Variants in PLCE1 observed in about 807,000 individuals in gnomAD.
The protein encoded by PLCE1 is phospholipase C epsilon 1.
Under a neutral mutation model 242.8 loss-of-function variants are expected in PLCE1, and 119 were observed. The ratio of observed to expected loss-of-function variants is 0.49; its 90% CI spans 0.42 to 0.57. The LOEUF (loss-of-function observed/expected upper bound fraction) is 0.57. Ranked by LOEUF, PLCE1 falls within the 20% of genes least tolerant of loss-of-function variation. The pLI is 0.00. For synonymous variants in PLCE1, 945 were observed against 1,017.4 expected, an observed-to-expected ratio of 0.93 and a Z score of 1.35; for missense variants, 2,441 against 2,788.8, an observed-to-expected ratio of 0.88 and a Z score of 2.81.
In PLCE1 at chr10:94,088,329, C is replaced by T. The variant is rs183323065; in HGVS notation, c.1207-43845C>T. ...AATACATCCAAACCAAATATTCTGCCTCTGGCATCTCCACTAGTCTCAAGC... is the reference window on the plus strand; with the variant it reads ...AATACATCCAAACCAAATATTCTGCTTCTGGCATCTCCACTAGTCTCAAGC... On this transcript the variant is annotated intron_variant, in intron 2 of 32. Transcript: ENST00000371380. 2.6e-5 allele frequency: 4 copies of T among 152,324 alleles called. No homozygotes were observed. The East Asian group carries it at 7.7e-4, about 29-fold the overall frequency. The allele number at this position is 152,324 out of a possible 1,614,324, so 9.4% of individuals were successfully genotyped here.
intron 2 of PLCE1, among the ~76,000 whole-genome samples, chr10:94,051,430 A>G (rs2043764107): frequency 6.6e-6 from 1 of 152,102 alleles, no homozygotes; most frequent in Non-Finnish European, 1.5e-5. Context: ...ATGATTAAAC[A>G]TCTGCTTCAT....
At chr10:94,324,741 T>C (rs527838914) in intron 31 of PLCE1, 151 bp from the exon 32 acceptor site, 6 of 952,574 alleles carry the variant, frequency 6.3e-6, no homozygotes, top group Non-Finnish European at 9.9e-6. Context: ...GTGGCCGAGC[T>C]TGCGGTTAAG....
rs909469640 is a variant in PLCE1 at position 94,047,331 on chromosome 10, G to A, written c.1206+15079G>A. ...TTAGTTCCTGCCAGGGGCCAGAATT[G>A]CTTGTCTCCCTACCAGTGAGAAGGC... is the stretch of plus-strand genomic sequence containing the variant. On this transcript the variant is annotated intron_variant, in intron 2 of 32. Transcript: ENST00000371380. Among the ~76,000 whole-genome samples, 9 of 152,288 alleles carry A rather than the reference G, an allele frequency of 5.9e-5. No homozygotes were observed. The East Asian group carries it at 1.2e-3, about 20-fold the overall frequency.
At chr10:94,252,562 C>T in intron 9 of PLCE1, 64 bp downstream of exon 9, 1 of 1,336,538 alleles carries the variant, frequency 7.5e-7, no homozygotes, top group Non-Finnish European at 1.1e-6. Context: ...TGGTGAACAT[C>T]ACCATAAAAC....
intron 2 of PLCE1, among the ~76,000 whole-genome samples, chr10:94,053,159 C>T (rs936296492): frequency 4.6e-5 from 7 of 152,194 alleles, no homozygotes; most frequent in East Asian, 1.9e-4. Flanking sequence ...CCGGCTCCAC[C>T]GTTAACTAGC....
intron 4 of PLCE1, among the ~76,000 whole-genome samples, chr10:94,171,972 A>C (rs2047996505): frequency 6.6e-6 from 1 of 152,162 alleles, no homozygotes; most frequent in Non-Finnish European, 1.5e-5. Context: ...AACGTGGGGC[A>C]ATTCATTGAG....
chr10:94,207,418 G>A (rs1233220662), intron 4 of PLCE1, among the ~76,000 whole-genome samples: 4 of 152,170 alleles, frequency 2.6e-5, no homozygotes, highest in Admixed American at 2.0e-4. Flanking sequence ...AAAAAGGCTG[G>A]AAAGAACTTT....
At position 94,322,301 on chromosome 10, in the gene PLCE1, CTA is replaced by C. The variant is rs540368502; in HGVS notation, c.6501+244_6501+245del. 6.3e-4 allele frequency among the ~76,000 whole-genome samples: 96 copies of C among 151,836 alleles called. 1 individual carries two copies. Among genetic ancestry groups the C allele is most frequent in the Non-Finnish European group, 7.2e-4 (49 of 67,938 alleles). ...CACAGGAGTTGGAGGCTGCAGTGAG[CTA>C]TGACTGGCCACTGCACTGCAGCCTG... On this transcript the variant is annotated intron_variant, in intron 30 of 32. Coordinates refer to ENST00000371380, the MANE Select transcript of PLCE1 (RefSeq NM_016341.4).
At chr10:94,148,792 C>T (rs1376266726) in intron 3 of PLCE1, among the ~76,000 whole-genome samples, 5 of 152,194 alleles carry the variant, frequency 3.3e-5, no homozygotes, top group South Asian at 2.1e-4. Context: ...AAAGCGTAGA[C>T]GTCATACCTC....
chr10:94,062,054 A>G (rs1589941787), intron 2 of PLCE1, among the ~76,000 whole-genome samples: 2 of 152,378 alleles, frequency 1.3e-5, no homozygotes, highest in Non-Finnish European at 2.9e-5. Flanking sequence ...TATAAGGATT[A>G]AAAGAATTAA....
chr10:94,008,373 A>G (rs924287160), intron 1 of PLCE1, among the ~76,000 whole-genome samples: 1 of 152,016 alleles, frequency 6.6e-6, no homozygotes, highest in African/African-American at 2.4e-5. Flanking sequence ...CAGTGGCATG[A>G]TCTCAGCTCA....
intron 4 of PLCE1, among the ~76,000 whole-genome samples, chr10:94,188,328 T>C (rs2048547177): frequency 6.6e-6 from 1 of 152,220 alleles, no homozygotes; most frequent in African/African-American, 2.4e-5. Flanking sequence ...TTTTTAGCTA[T>C]GGAAACCAAC....
chr10:94,202,888 T>G (rs540564184), intron 4 of PLCE1, among the ~76,000 whole-genome samples: 3 of 152,336 alleles, frequency 2.0e-5, no homozygotes, highest in Non-Finnish European at 4.4e-5. Context: ...GCAACTAGTG[T>G]GTCCTCTCGG....
In PLCE1 at chr10:94,328,771, A is replaced by ATAT. The variant is rs2133959716; in HGVS notation, c.*830_*832dup. The ATAT allele has an allele frequency of 6.6e-6, 1 of 152,326 alleles. No individual in the cohort carries two copies. Among genetic ancestry groups the ATAT allele is most frequent in the Non-Finnish European group, 1.5e-5 (1 of 68,034 alleles). The allele number at this position is 152,326 out of a possible 1,614,324, so 9.4% of individuals were successfully genotyped here. ...TAGGATTTTTTTACATATAGAAATA[A>ATAT]TATTGGGTTTTTTTTAAGGTTATTG... On this transcript the variant is annotated 3_prime_UTR_variant, in exon 33 of 33. Transcript: ENST00000371380.
Position 94,305,391 on chromosome 10 carries a change from C to T in PLCE1, c.5622+746C>T, listed in dbSNP as rs1461059825. Among the ~76,000 whole-genome samples the T allele has an allele frequency of 2.0e-5, 3 of 152,232 alleles. No individual in the cohort carries two copies. In the East Asian group the frequency reaches 5.8e-4, roughly 29 times the overall value. On this transcript the variant is annotated intron_variant, in intron 25 of 32. Transcript: ENST00000371380. ...CGGAGGTTGCAGTGAGCCAAGATTG[C>T]ACCACTGCACTCCAGCCTGTGTGAC...
chr10:93,994,198 G>C lies in PLCE1; in HGVS notation c.-425G>C, dbSNP rs1360379163. On this transcript the variant is annotated 5_prime_UTR_variant, in exon 1 of 33. Transcript: ENST00000371380. ...CGCCGCTAGCGACAGGCGCGCGGAC[G>C]GCTGGTCCCAGAGGGACGCTGCGCT... 6.6e-6 allele frequency among the ~76,000 whole-genome samples: 1 copy of C among 152,180 alleles called. No homozygotes were observed. Among genetic ancestry groups the C allele is most frequent in the African/African-American group, 2.4e-5 (1 of 41,460 alleles).
intron 2 of PLCE1, among the ~76,000 whole-genome samples, chr10:94,041,267 G>T (rs948943701): frequency 2.0e-5 from 3 of 152,098 alleles, no homozygotes; most frequent in African/African-American, 7.2e-5. Context: ...ACCCACTTCT[G>T]CTGTCTCCTT....
chr10:94,089,041 G>A, intron 2 of PLCE1: 1 of 1,594,796 alleles, frequency 6.3e-7, no homozygotes, highest in Non-Finnish European at 8.6e-7. Context: ...GCACGTTGCA[G>A]GATTTTTCAC....
chr10:94,143,253 G>T (rs376539462), intron 3 of PLCE1, among the ~76,000 whole-genome samples: 13 of 152,130 alleles, frequency 8.5e-5, no homozygotes, highest in African/African-American at 2.9e-4. Context: ...ATTCCCTCCA[G>T]AGTAGAAAGA....
Sources: gnomAD v4.1 joint callset for allele counts (sites outside exome capture counted in the v4.1 genomes callset) on GRCh38, gnomAD v4.1.1 for gene constraint, MANE v1.5 for transcripts, NCBI Gene and HGNC (gene_info 2026-07-23, HGNC 2026-07-21) for gene names.